CMSS1: variants seen among roughly 807,000 people sequenced by gnomAD.
CMSS1 encodes protein CMSS1.
CMSS1 carries 33 observed loss-of-function variants against 43.5 expected under a neutral mutation model. The ratio of observed to expected loss-of-function variants is 0.76; its 90% CI spans 0.57 to 1.01. The LOEUF (loss-of-function observed/expected upper bound fraction) is 1.01. Ranked by LOEUF, CMSS1 falls within the 50% of genes least tolerant of loss-of-function variation. The pLI, the probability that CMSS1 is intolerant of heterozygous loss-of-function variation, is 0.00. For missense variants in CMSS1, 313 were observed against 326.4 expected, an observed-to-expected ratio of 0.96 and a Z score of 0.32; for synonymous variants, 115 against 117.2, an observed-to-expected ratio of 0.98 and a Z score of 0.12.
intron 1 of CMSS1, among the ~76,000 whole-genome samples, chr3:100,145,677 T>G (rs2066843829): frequency 6.6e-6 from 1 of 152,162 alleles, no homozygotes; most frequent in Non-Finnish European, 1.5e-5. Context: ...ATGATGCAGT[T>G]TTAGTCTAAA....
intron 1 of CMSS1, among the ~76,000 whole-genome samples, chr3:100,094,527 T>G (rs1239675861): frequency 2.0e-5 from 3 of 152,122 alleles, no homozygotes; most frequent in African/African-American, 4.8e-5. Context: ...AGATTTTCTC[T>G]TATTTTCTAA....
intron 1 of CMSS1, among the ~76,000 whole-genome samples, chr3:99,937,050 G>C (rs2107671161): frequency 6.6e-6 from 1 of 152,190 alleles, no homozygotes. Context: ...CAATTTTCCT[G>C]CCTCAGCCTC....
At chr3:100,121,772 T>C (rs1576086306) in intron 1 of CMSS1, among the ~76,000 whole-genome samples, 1 of 152,152 alleles carries the variant, frequency 6.6e-6, no homozygotes, top group Admixed American at 6.5e-5. Flanking sequence ...ATCCTGGTGC[T>C]CTGAGGGGGC....
intron 1 of CMSS1, among the ~76,000 whole-genome samples, chr3:100,035,251 G>A (rs375221665): frequency 1.3e-5 from 2 of 152,132 alleles, no homozygotes; most frequent in African/African-American, 4.8e-5. Flanking sequence ...CATGCTGTGC[G>A]CATATTCCTC....
At chr3:100,017,691 C>T (rs1194695851) in intron 1 of CMSS1, among the ~76,000 whole-genome samples, 1 of 150,836 alleles carries the variant, frequency 6.6e-6, no homozygotes, top group Non-Finnish European at 1.5e-5. Flanking sequence ...TTGGGAGGCC[C>T]AGCGGGGAGG....
intron 1 of CMSS1, among the ~76,000 whole-genome samples, chr3:100,090,911 T>C (rs1166630206): frequency 6.6e-6 from 1 of 152,140 alleles, no homozygotes; most frequent in Non-Finnish European, 1.5e-5. Context: ...TTGAAATGAG[T>C]GCAGAGGTTA....
At chr3:100,048,820 T>C (rs2065321341) in intron 1 of CMSS1, among the ~76,000 whole-genome samples, 1 of 152,192 alleles carries the variant, frequency 6.6e-6, no homozygotes, top group Non-Finnish European at 1.5e-5. Context: ...GCTTCTAAAA[T>C]TGTATTTTAC....
At chr3:100,148,419 A>T (rs2066873275) in intron 2 of CMSS1, among the ~76,000 whole-genome samples, 1 of 152,160 alleles carries the variant, frequency 6.6e-6, no homozygotes, top group Non-Finnish European at 1.5e-5. Flanking sequence ...TACCAATCCA[A>T]AGTTACTATA....
chr3:100,066,774 G>A (rs1215455751), intron 1 of CMSS1, among the ~76,000 whole-genome samples: 2 of 150,444 alleles, frequency 1.3e-5, no homozygotes, highest in African/African-American at 4.9e-5. Context: ...CTCGTGATCC[G>A]CCCGCCTCGG....
At chr3:100,023,003 G>T (rs1395082865) in intron 1 of CMSS1, among the ~76,000 whole-genome samples, 1 of 152,100 alleles carries the variant, frequency 6.6e-6, no homozygotes, top group Non-Finnish European at 1.5e-5. Context: ...ATTTTTGCCT[G>T]CTGTTAGAGT....
chr3:99,972,734 A>G (rs1419760489), intron 1 of CMSS1, among the ~76,000 whole-genome samples: 1 of 152,168 alleles, frequency 6.6e-6, no homozygotes, highest in Admixed American at 6.5e-5. Context: ...CTACCCTAAG[A>G]TATGTTTTTT....
At chr3:99,989,093 C>T (rs1176231141) in intron 1 of CMSS1, among the ~76,000 whole-genome samples, 1 of 152,204 alleles carries the variant, frequency 6.6e-6, no homozygotes, top group East Asian at 1.9e-4. Context: ...GTGATTCACT[C>T]ACAGTTCATA....
chr3:100,041,129 A>C (rs1027346511), intron 1 of CMSS1: 1 of 152,180 alleles, frequency 6.6e-6, no homozygotes, highest in Non-Finnish European at 1.5e-5. Context: ...ATTTCAGCTC[A>C]GATATAGCTA....
chr3:100,080,774 T>A (rs1366362282), intron 1 of CMSS1, among the ~76,000 whole-genome samples: 1 of 152,206 alleles, frequency 6.6e-6, no homozygotes, highest in Non-Finnish European at 1.5e-5. Context: ...TGAGAATAGA[T>A]ATGGAATGTT....
chr3:99,902,140 A>T (rs1473956112), intron 1 of CMSS1, among the ~76,000 whole-genome samples: 4 of 152,188 alleles, frequency 2.6e-5, no homozygotes, highest in Non-Finnish European at 5.9e-5. Context: ...TCATGATGTT[A>T]TATTAGACAT....
intron 1 of CMSS1, among the ~76,000 whole-genome samples, chr3:99,996,229 A>G (rs1413437843): frequency 6.6e-6 from 1 of 152,196 alleles, no homozygotes. Flanking sequence ...AAAGTTTCAC[A>G]AATCTCTAGG....
intron 1 of CMSS1, among the ~76,000 whole-genome samples, chr3:99,827,131 A>G (rs1179741982): frequency 6.6e-6 from 1 of 152,260 alleles, no homozygotes; most frequent in African/African-American, 2.4e-5. Flanking sequence ...TATTATTAAT[A>G]CATATTGCTT....
chr3:99,901,543 G>A (rs926001192), intron 1 of CMSS1, among the ~76,000 whole-genome samples: 19 of 152,138 alleles, frequency 1.2e-4, no homozygotes, highest in Admixed American at 1.0e-3. Context: ...CCAGATGTTC[G>A]TCGGGAAAGC....
intron 1 of CMSS1, among the ~76,000 whole-genome samples, chr3:99,883,664 A>G (rs1705802562): frequency 6.6e-6 from 1 of 152,224 alleles, no homozygotes. Flanking sequence ...TGCTTCTGTG[A>G]TAATCTAGGA....
Sources: allele counts gnomAD v4.1 joint callset (sites outside exome capture counted in the v4.1 genomes callset), GRCh38; gene constraint gnomAD v4.1.1; transcripts MANE v1.5; gene names NCBI Gene and HGNC (gene_info 2026-07-23, HGNC 2026-07-21).